Variants in STAG1 observed in about 807,000 individuals in gnomAD.
STAG1 encodes the protein cohesin subunit SA-1.
STAG1 carries 26 observed loss-of-function variants against 170.9 expected under a neutral mutation model. The ratio of observed to expected loss-of-function variants is 0.15; its 90% CI spans 0.11 to 0.21. STAG1 has a LOEUF of 0.21. Among genes scored for constraint, STAG1 ranks in the 10% least tolerant of loss-of-function variants. STAG1 has a pLI of 1.00. For missense variants in STAG1, 964 were observed against 1,509.5 expected, an observed-to-expected ratio of 0.64 and a Z score of 5.99; for synonymous variants, 514 against 497.7, an observed-to-expected ratio of 1.03 and a Z score of -0.44.
chr3:136,625,704 T>C (rs1940063952), intron 2 of STAG1, among the ~76,000 whole-genome samples: 1 of 152,236 alleles, frequency 6.6e-6, no homozygotes, highest in African/African-American at 2.4e-5. Flanking sequence ...TTTCTCACTC[T>C]TTCCAGGATT....
intron 4 of STAG1, among the ~76,000 whole-genome samples, chr3:136,602,833 C>T (rs1030935248): frequency 6.6e-6 from 1 of 152,146 alleles, no homozygotes; most frequent in Non-Finnish European, 1.5e-5. Flanking sequence ...GAGCAAGACT[C>T]TGTCTCAGAA....
chr3:136,379,210 C>T (rs567586874), intron 22 of STAG1, among the ~76,000 whole-genome samples: 1 of 152,060 alleles, frequency 6.6e-6, no homozygotes, highest in East Asian at 1.9e-4. Flanking sequence ...CTGAGGGAAA[C>T]AGATAAGAGA....
chr3:136,355,008 A>G (rs901561265), intron 28 of STAG1, among the ~76,000 whole-genome samples: 6 of 152,074 alleles, frequency 3.9e-5, no homozygotes, highest in African/African-American at 1.4e-4. Flanking sequence ...TGTCTTAGAG[A>G]ATGACACTTT....
intron 16 of STAG1, 145 bp from the exon 17 acceptor site, chr3:136,423,189 T>C (rs1559792469): frequency 1.1e-5 from 6 of 541,782 alleles, no homozygotes; most frequent in Non-Finnish European, 1.6e-5. Flanking sequence ...AGAAAGTTTA[T>C]GCAAATTTTT....
chr3:136,545,500 A>C (rs1936117145), intron 5 of STAG1, among the ~76,000 whole-genome samples: 1 of 152,188 alleles, frequency 6.6e-6, no homozygotes. Flanking sequence ...GTCTACTAAA[A>C]CTGAGAAGGA....
chr3:136,645,983 G>C (rs1238458809), intron 1 of STAG1, among the ~76,000 whole-genome samples: 1 of 152,074 alleles, frequency 6.6e-6, no homozygotes, highest in African/African-American at 2.4e-5. Flanking sequence ...CAATTCCAAA[G>C]ACCTACTTCA....
chr3:136,545,011 T>C (rs2107730544), intron 5 of STAG1, among the ~76,000 whole-genome samples: 1 of 152,296 alleles, frequency 6.6e-6, no homozygotes, highest in East Asian at 1.9e-4. Flanking sequence ...TCCAAGCATA[T>C]GACAGGATCA....
intron 1 of STAG1, among the ~76,000 whole-genome samples, chr3:136,656,617 T>TTGTGTGTGTGTGTGTGTATG (rs1941382618): frequency 7.0e-6 from 1 of 143,294 alleles, no homozygotes; most frequent in African/African-American, 2.7e-5. Context: ...CTGTATTTAT[T>TTGTGTGTGTGTGTGTGTATG]TGTGTGTGTG....
At chr3:136,572,258 AAACATACTACGAAGG>A (rs1937287316) in intron 4 of STAG1, among the ~76,000 whole-genome samples, 1 of 152,034 alleles carries the variant, frequency 6.6e-6, no homozygotes, top group Non-Finnish European at 1.5e-5. Flanking sequence ...ATAAACATTA[AAACATACTACGAAGG>A]AACTGAAAAA....
chr3:136,513,510 A>T (rs1237398671), intron 7 of STAG1, among the ~76,000 whole-genome samples: 3 of 152,158 alleles, frequency 2.0e-5, no homozygotes, highest in Non-Finnish European at 4.4e-5. Flanking sequence ...AAATTTCAGG[A>T]TATCATCATG....
intron 23 of STAG1, among the ~76,000 whole-genome samples, chr3:136,371,709 G>A (rs1334135824): frequency 9.9e-5 from 15 of 151,796 alleles, no homozygotes; most frequent in South Asian, 2.1e-4. Context: ...TGTTCCATTG[G>A]TCTATATCTC....
intron 4 of STAG1, among the ~76,000 whole-genome samples, chr3:136,582,007 G>A (rs1937600600): frequency 6.6e-6 from 1 of 151,894 alleles, no homozygotes; most frequent in Non-Finnish European, 1.5e-5. Context: ...GTATATATGA[G>A]TTAAATAAAA....
At chr3:136,495,439 G>A (rs1197536112) in intron 9 of STAG1, among the ~76,000 whole-genome samples, 1 of 152,042 alleles carries the variant, frequency 6.6e-6, no homozygotes, top group Non-Finnish European at 1.5e-5. Flanking sequence ...CATAAACTGG[G>A]CCATACAAAT....
intron 1 of STAG1, among the ~76,000 whole-genome samples, chr3:136,671,701 G>A (rs1941985675): frequency 6.6e-6 from 1 of 152,042 alleles, no homozygotes. Context: ...CACTAGCCTG[G>A]GCAACATGGT....
intron 5 of STAG1, among the ~76,000 whole-genome samples, chr3:136,555,066 C>CT (rs1936552921): frequency 6.7e-6 from 1 of 148,610 alleles, no homozygotes; most frequent in Non-Finnish European, 1.5e-5. Flanking sequence ...CACACACGCA[C>CT]TCAGGCACAC....
intron 5 of STAG1, among the ~76,000 whole-genome samples, chr3:136,557,304 G>A (rs1008312612): frequency 3.9e-5 from 6 of 152,074 alleles, no homozygotes; most frequent in African/African-American, 1.4e-4. Context: ...AGAGAACCCA[G>A]AAAAAGACTC....
intron 9 of STAG1, among the ~76,000 whole-genome samples, chr3:136,490,148 C>A (rs948086607): frequency 6.6e-6 from 1 of 152,146 alleles, no homozygotes; most frequent in Non-Finnish European, 1.5e-5. Context: ...TCAAGCGATT[C>A]TCCTGCTTCA....
chr3:136,714,671 T>C (rs1173815460), intron 1 of STAG1, among the ~76,000 whole-genome samples: 1 of 151,814 alleles, frequency 6.6e-6, no homozygotes, highest in African/African-American at 2.4e-5. Context: ...GAGCTTGCAG[T>C]GAGCCAAGAT....
At chr3:136,373,299 G>C (rs556665571) in intron 23 of STAG1, among the ~76,000 whole-genome samples, 86 of 152,152 alleles carry the variant, frequency 5.7e-4, no homozygotes, top group African/African-American at 2.0e-3. Flanking sequence ...CAAAAAACCA[G>C]CTCCTGGATT....
Sources: allele counts gnomAD v4.1 joint callset (sites outside exome capture counted in the v4.1 genomes callset), GRCh38; gene constraint gnomAD v4.1.1; transcripts MANE v1.5; gene names NCBI Gene and HGNC (gene_info 2026-07-23, HGNC 2026-07-21).